TNNI3K: variants seen among roughly 807,000 people sequenced by gnomAD.
TNNI3K encodes the protein TNNI3 interacting kinase, also known as serine/threonine-protein kinase TNNI3K.
In TNNI3K, 140 loss-of-function variants were observed where a neutral mutation model predicts 114.5. The ratio of observed to expected loss-of-function variants is 1.22; its 90% CI spans 1.07 to 1.41. The LOEUF is 1.41. Among genes scored for constraint, TNNI3K ranks in the 40% most tolerant of loss-of-function variants. The probability of loss-of-function intolerance (pLI) is 0.00; values close to 1 mark genes in which losing one functional copy is unlikely to be tolerated. For synonymous variants in TNNI3K, 347 were observed against 347.5 expected, an observed-to-expected ratio of 1.00 and a Z score of 0.02; for missense variants, 1,125 against 1,007.6, an observed-to-expected ratio of 1.12 and a Z score of -1.58.
intron 9 of TNNI3K, among the ~76,000 whole-genome samples, chr1:74,350,124 C>G (rs971177856): frequency 8.6e-5 from 13 of 151,942 alleles, no homozygotes; most frequent in African/African-American, 2.7e-4. Context: ...TATAAATTTC[C>G]CTCTACACAC....
At chr1:74,489,132 AAG>A in intron 21 of TNNI3K, 55 bp from the exon 22 acceptor site, 1 of 1,489,846 alleles carries the variant, frequency 6.7e-7, no homozygotes, top group Non-Finnish European at 9.2e-7. Context: ...TTAACATCCA[AAG>A]AGAGTCTCCT....
chr1:74,423,752 C>T (rs1172389275), intron 17 of TNNI3K, among the ~76,000 whole-genome samples: 1 of 152,116 alleles, frequency 6.6e-6, no homozygotes, highest in African/African-American at 2.4e-5. Flanking sequence ...TAAGCACTAT[C>T]AGAGTTATTC....
intron 23 of TNNI3K, among the ~76,000 whole-genome samples, chr1:74,505,732 A>G (rs1221267616): frequency 6.6e-6 from 1 of 152,196 alleles, no homozygotes; most frequent in African/African-American, 2.4e-5. Context: ...TATGAGATGG[A>G]GTTTTTCTTG....
intron 24 of TNNI3K, among the ~76,000 whole-genome samples, chr1:74,541,066 C>A (rs527964069): frequency 1.9e-4 from 29 of 152,178 alleles, no homozygotes; most frequent in African/African-American, 5.8e-4. Context: ...ACAATGGGCC[C>A]ATTTATCCAT....
At position 74,284,892 on chromosome 1, in the gene TNNI3K, A is replaced by G. The variant is rs185540774; in HGVS notation, c.444+13184A>G. Among the ~76,000 whole-genome samples the G allele has an allele frequency of 9.8e-4, 150 of 152,374 alleles. 1 individual carries two copies. Among genetic ancestry groups the G allele is most frequent in the African/African-American group, 3.5e-3 (145 of 41,584 alleles). The stretch of plus-strand genomic sequence containing the variant: ...TCTCACAATTACTGCAGATCTCCAC[A>G]TCTGGGCAGGTCCTGACAATAGTTA... On this transcript the variant is annotated intron_variant, in intron 5 of 24. Transcript: ENST00000326637.
At chr1:74,459,470 G>A (rs752711284) in intron 20 of TNNI3K, among the ~76,000 whole-genome samples, 15 of 152,086 alleles carry the variant, frequency 9.9e-5, no homozygotes, top group South Asian at 6.2e-4. Flanking sequence ...TAGATGTTAC[G>A]AAGGAAAAAG....
intron 5 of TNNI3K, among the ~76,000 whole-genome samples, chr1:74,310,684 A>G (rs911478496): frequency 6.6e-5 from 10 of 152,144 alleles, no homozygotes; most frequent in Admixed American, 1.3e-4. Context: ...ACTTACAATT[A>G]AGCTTTTTTC....
At chr1:74,441,674 G>A (rs1196012949) in intron 20 of TNNI3K, among the ~76,000 whole-genome samples, 1 of 151,970 alleles carries the variant, frequency 6.6e-6, no homozygotes, top group East Asian at 1.9e-4. Flanking sequence ...AAATATATAT[G>A]TATATATTAG....
At chr1:74,480,646 C>G (rs1403675200) in intron 21 of TNNI3K, 1 of 717,180 alleles carries the variant, frequency 1.4e-6, no homozygotes, top group African/African-American at 1.7e-5. Flanking sequence ...TCCCATCCAG[C>G]TGGAGCCGGG....
At chr1:74,439,709 A>T in intron 20 of TNNI3K, 87 bp downstream of exon 20, 1 of 1,570,284 alleles carries the variant, frequency 6.4e-7, no homozygotes, top group Non-Finnish European at 8.6e-7. Flanking sequence ...TCACAAAATG[A>T]TTAGTCTCAG....
chr1:74,436,255 A>T, intron 18 of TNNI3K, 123 bp downstream of exon 18: 1 of 1,303,398 alleles, frequency 7.7e-7, no homozygotes, highest in Non-Finnish European at 1.1e-6. Flanking sequence ...GAACACTGAC[A>T]GCTATCCTAC....
Position 74,451,685 on chromosome 1 carries a change from T to TTCTATCTATCTA in TNNI3K, c.2012-11753_2012-11752insATCTATCTATCT, listed in dbSNP as rs1557575023. Among the ~76,000 whole-genome samples the TTCTATCTATCTA allele has an allele frequency of 1.2e-4, 8 of 69,130 alleles. 1 individual carries two copies. Among genetic ancestry groups the TTCTATCTATCTA allele is most frequent in the African/African-American group, 3.3e-4 (7 of 21,376 alleles). The allele number at this position is 69,130 out of a possible 152,430, so 45.4% of individuals were successfully genotyped here. On this transcript the variant is annotated intron_variant, in intron 20 of 24. Transcript: ENST00000326637. ...TTCTTTTCTTTTCTTTTCTTTTCTTTTCTTTCTTTCTTTCTTTCTTTCTTT... is the reference window on the plus strand; with the variant it reads ...TTCTTTTCTTTTCTTTTCTTTTCTTTTCTATCTATCTATCTTTCTTTCTTTCTTTCTTTCTTT...
chr1:74,281,114 T>C (rs545470248), intron 5 of TNNI3K, among the ~76,000 whole-genome samples: 1 of 152,238 alleles, frequency 6.6e-6, no homozygotes, highest in African/African-American at 2.4e-5. Context: ...GACCCAGGCC[T>C]GGAAGGATTC....
intron 17 of TNNI3K, among the ~76,000 whole-genome samples, chr1:74,395,920 G>A (rs1225269778): frequency 6.6e-6 from 1 of 152,032 alleles, no homozygotes; most frequent in African/African-American, 2.4e-5. Flanking sequence ...TCAGCCTTTG[G>A]GCTCTTGGCC....
At chr1:74,411,409 C>A (rs1044422964) in intron 17 of TNNI3K, among the ~76,000 whole-genome samples, 4 of 152,000 alleles carry the variant, frequency 2.6e-5, no homozygotes, top group African/African-American at 7.2e-5. Flanking sequence ...CCTGAGATAA[C>A]CCTCAATTAG....
intron 17 of TNNI3K, among the ~76,000 whole-genome samples, chr1:74,399,928 C>G (rs1664276660): frequency 6.6e-6 from 1 of 152,174 alleles, no homozygotes; most frequent in African/African-American, 2.4e-5. Context: ...GAACCAAAGG[C>G]AGATGTCACA....
chr1:74,327,590 G>T (rs1659977961), intron 5 of TNNI3K, among the ~76,000 whole-genome samples: 1 of 143,854 alleles, frequency 7.0e-6, no homozygotes, highest in Non-Finnish European at 1.5e-5. Flanking sequence ...TATATCAGTG[G>T]TATTATTATA....
At chr1:74,439,355 A>G in intron 19 of TNNI3K, 135 bp from the exon 20 acceptor site, 1 of 1,383,688 alleles carries the variant, frequency 7.2e-7, no homozygotes, top group East Asian at 2.4e-5. Context: ...GGCAATATGT[A>G]TGGATGTTAA....
At chr1:74,487,887 C>T (rs1468883289) in intron 21 of TNNI3K, among the ~76,000 whole-genome samples, 2 of 152,076 alleles carry the variant, frequency 1.3e-5, no homozygotes, top group African/African-American at 4.8e-5. Flanking sequence ...AAAGGGACAG[C>T]TCAGAGAGTT....
Sources: allele counts gnomAD v4.1 joint callset (sites outside exome capture counted in the v4.1 genomes callset), GRCh38; gene constraint gnomAD v4.1.1; transcripts MANE v1.5; gene names NCBI Gene and HGNC (gene_info 2026-07-23, HGNC 2026-07-21).